Variants in DDC observed in about 807,000 individuals in gnomAD.
DDC encodes the protein dopa decarboxylase, also known as aromatic-L-amino-acid decarboxylase.
Under a neutral mutation model 60.0 loss-of-function variants are expected in DDC, and 43 were observed. That is an observed-to-expected ratio of 0.72 (90% confidence interval 0.56 to 0.92). The LOEUF is 0.92. Ranked by LOEUF, DDC falls within the 40% of genes least tolerant of loss-of-function variation. The pLI is 0.00. For missense variants in DDC, 573 were observed against 620.2 expected (o/e 0.92, Z 0.81); for synonymous variants, 232 against 234.6 (o/e 0.99, Z 0.10).
At chr7:50,562,741 A>G (rs1773776987) in intron 1 of DDC, among the ~76,000 whole-genome samples, 1 of 152,202 alleles carries the variant, frequency 6.6e-6, no homozygotes, top group Non-Finnish European at 1.5e-5. Flanking sequence ...CACCCTGCAC[A>G]CGGCTTGGGC....
At chr7:50,460,642 A>G (rs899907756) in intron 14 of DDC, among the ~76,000 whole-genome samples, 2 of 151,668 alleles carry the variant, frequency 1.3e-5, no homozygotes, top group Admixed American at 1.3e-4. Flanking sequence ...GAGAAATCGG[A>G]TGGTTGCCAT....
intron 6 of DDC, among the ~76,000 whole-genome samples, chr7:50,509,859 G>A (rs2043500209): frequency 6.7e-6 from 1 of 149,248 alleles, no homozygotes; most frequent in African/African-American, 2.6e-5. Flanking sequence ...CAAAGTCTTG[G>A]GGAAAAAAAA....
At chr7:50,539,347 C>T (rs998282691) in intron 3 of DDC, among the ~76,000 whole-genome samples, 1 of 152,192 alleles carries the variant, frequency 6.6e-6, no homozygotes, top group African/African-American at 2.4e-5. Context: ...CGGGCAGAGC[C>T]AGCCCTGCCT....
chr7:50,522,598 G>A (rs752970643), intron 6 of DDC, among the ~76,000 whole-genome samples: 27 of 152,174 alleles, frequency 1.8e-4, no homozygotes, highest in Non-Finnish European at 3.4e-4. Flanking sequence ...AAATAGATCC[G>A]CACAAATGAA....
intron 6 of DDC, among the ~76,000 whole-genome samples, chr7:50,506,816 T>C (rs975269476): frequency 3.3e-5 from 5 of 152,282 alleles, no homozygotes; most frequent in Admixed American, 3.3e-4. Flanking sequence ...ACATCTTGCA[T>C]ACCTCAATGT....
At chr7:50,554,010 G>A (rs6972476) in intron 1 of DDC, among the ~76,000 whole-genome samples, 151,487 of 152,332 alleles carry the variant, frequency 0.99, 75,329 homozygotes, top group Middle Eastern at 1. Flanking sequence ...GAAGCTTTAC[G>A]TGAGCATTTT....
chr7:50,510,475 T>C (rs934811683), intron 6 of DDC, among the ~76,000 whole-genome samples: 2 of 150,726 alleles, frequency 1.3e-5, no homozygotes, highest in Non-Finnish European at 3.0e-5. Flanking sequence ...TTAAGACCAG[T>C]CTGACCAACA....
intron 9 of DDC, among the ~76,000 whole-genome samples, chr7:50,490,185 G>A (rs886816629): frequency 1.3e-5 from 2 of 152,184 alleles, no homozygotes; most frequent in African/African-American, 4.8e-5. Context: ...GCTAGTAAAA[G>A]CCTCTTAGAA....
chr7:50,470,381 A>T (rs894965295), intron 11 of DDC, among the ~76,000 whole-genome samples: 1 of 152,174 alleles, frequency 6.6e-6, no homozygotes, highest in African/African-American at 2.4e-5. Flanking sequence ...AGGAACACAG[A>T]TGGGGACTGT....
chr7:50,549,813 A>G (rs2044929017), intron 1 of DDC, among the ~76,000 whole-genome samples: 1 of 152,194 alleles, frequency 6.6e-6, no homozygotes. Flanking sequence ...GAAATAGAGA[A>G]CTAGAATTTT....
At chr7:50,463,063 C>T (rs186413058) in intron 14 of DDC, 150 bp downstream of exon 14, 13 of 694,704 alleles carry the variant, frequency 1.9e-5, no homozygotes, top group African/African-American at 3.5e-5. Context: ...CCACCGCACC[C>T]GGCCTTCTCT....
intron 9 of DDC, chr7:50,492,805 G>A: frequency 1.3e-6 from 2 of 1,486,394 alleles, no homozygotes; most frequent in Non-Finnish European, 1.8e-6. Context: ...ACTGAACCCC[G>A]AGCGCCGGGG....
intron 1 of DDC, chr7:50,561,161 C>T (rs1308139799): frequency 6.6e-6 from 1 of 152,250 alleles, no homozygotes; most frequent in Non-Finnish European, 1.5e-5. Flanking sequence ...GCATTATTTA[C>T]TGAGCAGCAT....
chr7:50,563,205 A>G (rs1399405185), intron 1 of DDC, among the ~76,000 whole-genome samples: 1 of 151,538 alleles, frequency 6.6e-6, no homozygotes, highest in Non-Finnish European at 1.5e-5. Flanking sequence ...ACATAGCAAT[A>G]TTTGCTTATT....
rs555217069 is a variant in DDC, at chr7:50,528,543, T to A, written c.571-263A>T. Among the ~76,000 whole-genome samples, 149 of 152,284 alleles carry A rather than the reference T, an allele frequency of 9.8e-4. 1 individual carries two copies. The highest frequency in any genetic ancestry group is 2.3e-3 in the Admixed American group (35 of 15,294). ...CAAGGGTAAAGTGCTGGGTCAATAT[T>A]TATGAAGTTTTTCATTTGTTTGAAC... is the stretch of plus-strand genomic sequence containing the variant. On this transcript the variant is annotated intron_variant, in intron 5 of 14. Transcript: ENST00000444124.
At chr7:50,560,511 T>C (rs1391026433) in intron 1 of DDC, among the ~76,000 whole-genome samples, 1 of 152,126 alleles carries the variant, frequency 6.6e-6, no homozygotes, top group Non-Finnish European at 1.5e-5. Context: ...GAGGATGCTG[T>C]TAATTAGCTC....
At chr7:50,492,633 G>A (rs2043022476) in intron 9 of DDC, 11 of 1,108,902 alleles carry the variant, frequency 9.9e-6, no homozygotes, top group African/African-American at 3.2e-5. Flanking sequence ...TCCAGACACC[G>A]CAGGCCTCTC....
intron 12 of DDC, 44 bp downstream of exon 12, chr7:50,470,029 G>T: frequency 1.7e-6 from 2 of 1,190,262 alleles, no homozygotes; most frequent in Non-Finnish European, 2.5e-6. Context: ...AGTCCCGAAA[G>T]ACCTCCGCAA....
chr7:50,518,025 T>C (rs1045422074), intron 6 of DDC, among the ~76,000 whole-genome samples: 1 of 151,660 alleles, frequency 6.6e-6, no homozygotes, highest in Non-Finnish European at 1.5e-5. Context: ...CTGGCGAACA[T>C]GGTGAAACCC....
Sources: allele counts gnomAD v4.1 joint callset (sites outside exome capture counted in the v4.1 genomes callset), GRCh38; gene constraint gnomAD v4.1.1; transcripts MANE v1.5; gene names NCBI Gene and HGNC (gene_info 2026-07-23, HGNC 2026-07-21).